RBFOX1: variants seen among roughly 807,000 people sequenced by gnomAD.
RBFOX1 encodes RNA binding protein fox-1 homolog 1.
Under a neutral mutation model 57.7 loss-of-function variants are expected in RBFOX1, and 8 were observed. That is an observed-to-expected ratio of 0.14 (90% confidence interval 0.08 to 0.25). The LOEUF (loss-of-function observed/expected upper bound fraction) is 0.25, where lower values mean the gene tolerates loss of function less well. Ranked by LOEUF, RBFOX1 falls within the 10% of genes least tolerant of loss-of-function variation. The pLI is 1.00. For synonymous variants in RBFOX1, 326 were observed against 222.4 expected (o/e 1.47, Z -4.15); for missense variants, 611 against 548.5 (o/e 1.11, Z -1.14).
chr16:6,518,849 GTC>G (rs2096444197), intron 2 of RBFOX1, among the ~76,000 whole-genome samples: 2 of 86,176 alleles, frequency 2.3e-5, no homozygotes, highest in Non-Finnish European at 4.8e-5. Context: ...CTATCTATCT[GTC>G]TTCCTGCAGA....
chr16:7,009,259 C>G (rs912483697), intron 3 of RBFOX1, among the ~76,000 whole-genome samples: 2 of 141,026 alleles, frequency 1.4e-5, no homozygotes, highest in African/African-American at 5.6e-5. Context: ...TCTCCTTCCT[C>G]TCCTTCCTCT....
chr16:5,724,559 C>T (rs2052061535), intron 3 of RBFOX1, among the ~76,000 whole-genome samples: 1 of 152,324 alleles, frequency 6.6e-6, no homozygotes, highest in Non-Finnish European at 1.5e-5. Context: ...GACATCTCTT[C>T]CCTCAAGCAT....
rs374664894 is a variant in RBFOX1, at chr16:6,605,562, C to T, written c.-63-49041C>T. Among the ~76,000 whole-genome samples, 28 of 152,238 alleles carry T rather than the reference C, an allele frequency of 1.8e-4. No individual in the cohort carries two copies. The South Asian group carries it at 4.8e-3, about 26-fold the overall frequency. Reference sequence around the variant, plus strand: ...CCAGTGCATTTGTCATCGGAGTGATCGGAGTGAATCTCTCATTTTTACTTG... The same window carrying T: ...CCAGTGCATTTGTCATCGGAGTGATTGGAGTGAATCTCTCATTTTTACTTG... On this transcript the variant is annotated intron_variant, in intron 2 of 15. Coordinates refer to ENST00000550418, the MANE Select transcript of RBFOX1 (RefSeq NM_018723.4).
intron 2 of RBFOX1, among the ~76,000 whole-genome samples, chr16:6,502,071 T>C (rs1567465480): frequency 6.6e-6 from 1 of 152,210 alleles, no homozygotes; most frequent in Non-Finnish European, 1.5e-5. Flanking sequence ...TTCCAGGGAA[T>C]GGGTTGGGTC....
intron 1 of RBFOX1, among the ~76,000 whole-genome samples, chr16:6,120,434 C>A (rs535848053): frequency 6.6e-6 from 1 of 152,062 alleles, no homozygotes; most frequent in African/African-American, 2.4e-5. Context: ...AACAAATTTC[C>A]TATGTTGTGC....
At chr16:6,298,247 G>A (rs1336087829) in intron 1 of RBFOX1, among the ~76,000 whole-genome samples, 1 of 152,134 alleles carries the variant, frequency 6.6e-6, no homozygotes, top group Non-Finnish European at 1.5e-5. Context: ...GGGGGTCAGG[G>A]AACTCTCTTG....
rs191434004 is a variant in RBFOX1, at chr16:6,590,672, T to C, written c.-63-63931T>C. ...TTCATCCCTGCATTCAGAGGATATT[T>C]ACATGCATACTACGAATCTTTCTAG... On this transcript the variant is annotated intron_variant, in intron 2 of 15. Transcript: ENST00000550418. 5.9e-5 allele frequency among the ~76,000 whole-genome samples: 9 copies of C among 152,350 alleles called. No individual in the cohort carries two copies. In the East Asian group the frequency reaches 1.7e-3, roughly 29 times the overall value.
At chr16:7,290,047 G>T (rs945439607) in intron 4 of RBFOX1, among the ~76,000 whole-genome samples, 2 of 152,048 alleles carry the variant, frequency 1.3e-5, no homozygotes, top group African/African-American at 4.8e-5. Context: ...GTGCTTCCCA[G>T]GGTTACATGG....
intron 1 of RBFOX1, among the ~76,000 whole-genome samples, chr16:6,276,742 T>A (rs1300671373): frequency 6.6e-6 from 1 of 152,154 alleles, no homozygotes; most frequent in African/African-American, 2.4e-5. Context: ...TCCTCTCTGC[T>A]GCTATTCTTT....
intron 2 of RBFOX1, among the ~76,000 whole-genome samples, chr16:5,478,094 G>A (rs984581577): frequency 2.6e-5 from 4 of 152,198 alleles, no homozygotes; most frequent in Non-Finnish European, 5.9e-5. Context: ...CCTTGGAGAA[G>A]CAGATGACAG....
intron 2 of RBFOX1, among the ~76,000 whole-genome samples, chr16:6,652,395 C>T (rs897235694): frequency 1.3e-5 from 2 of 151,932 alleles, no homozygotes; most frequent in Non-Finnish European, 2.9e-5. Flanking sequence ...TTGCAGTGAG[C>T]CAAGATCTCG....
At chr16:6,555,401 T>C (rs1230121643) in intron 2 of RBFOX1, among the ~76,000 whole-genome samples, 2 of 152,138 alleles carry the variant, frequency 1.3e-5, no homozygotes, top group African/African-American at 4.8e-5. Context: ...TCTTCATGTA[T>C]TAAAGGATAC....
At chr16:6,831,202 C>T (rs991489147) in intron 3 of RBFOX1, among the ~76,000 whole-genome samples, 1 of 152,188 alleles carries the variant, frequency 6.6e-6, no homozygotes, top group Non-Finnish European at 1.5e-5. Context: ...GAGGAGACAA[C>T]ACAGCTTAGT....
intron 1 of RBFOX1, among the ~76,000 whole-genome samples, chr16:5,319,391 TGG>T (rs1264922112): frequency 6.6e-6 from 1 of 152,204 alleles, no homozygotes; most frequent in Non-Finnish European, 1.5e-5. Flanking sequence ...CCTGTTCTAG[TGG>T]TCTCTGACTG....
chr16:7,545,000 C>T (rs571121371), intron 5 of RBFOX1, among the ~76,000 whole-genome samples: 27 of 152,278 alleles, frequency 1.8e-4, no homozygotes, highest in Middle Eastern at 3.4e-3. Flanking sequence ...GTGAACAGAG[C>T]TGTTGTGAGG....
At chr16:7,679,546 T>G (rs1364923131) in intron 14 of RBFOX1, among the ~76,000 whole-genome samples, 1 of 152,196 alleles carries the variant, frequency 6.6e-6, no homozygotes, top group Non-Finnish European at 1.5e-5. Flanking sequence ...ATCATGAGAT[T>G]CACTCTTCAG....
intron 2 of RBFOX1, among the ~76,000 whole-genome samples, chr16:6,532,818 A>G (rs1289499040): frequency 6.6e-6 from 1 of 152,062 alleles, no homozygotes; most frequent in African/African-American, 2.4e-5. Context: ...GCATGTACAC[A>G]TTGTGGAATG....
At chr16:7,710,259 ATG>A (rs2083775923) in intron 15 of RBFOX1, 1 of 1,080,210 alleles carries the variant, frequency 9.3e-7, no homozygotes, top group Admixed American at 5.5e-5. Context: ...CACATGAGGA[ATG>A]TGTTGGAGAG....
At position 7,297,300 on chromosome 16, in the gene RBFOX1, T is replaced by G. The variant is rs192789112; in HGVS notation, c.28-220847T>G. On this transcript the variant is annotated intron_variant, in intron 4 of 15. Transcript: ENST00000550418. ...GAGATGGGTAATTGAGAATGAGACA[T>G]AACTGGGTTTGGAAATCAGTTGCAT... 3.3e-5 allele frequency among the ~76,000 whole-genome samples: 5 copies of G among 152,322 alleles called. No homozygotes were observed. In the East Asian group the frequency reaches 9.6e-4, roughly 29 times the overall value.
Sources: allele counts gnomAD v4.1 joint callset (sites outside exome capture counted in the v4.1 genomes callset), GRCh38; gene constraint gnomAD v4.1.1; transcripts MANE v1.5; gene names NCBI Gene and HGNC (gene_info 2026-07-23, HGNC 2026-07-21).